Variants in MANBA observed in about 807,000 individuals in gnomAD.
The protein encoded by MANBA is mannosidase beta.
In MANBA, 83 loss-of-function variants were observed where a neutral mutation model predicts 111.1. The ratio of observed to expected loss-of-function variants is 0.75; its 90% CI spans 0.63 to 0.90. The LOEUF (loss-of-function observed/expected upper bound fraction) is 0.90. Among genes scored for constraint, MANBA ranks in the 40% least tolerant of loss-of-function variants. MANBA has a pLI of 0.00. For synonymous variants in MANBA, 370 were observed against 378.7 expected (o/e 0.98, Z 0.27); for missense variants, 1,036 against 1,069.0 (o/e 0.97, Z 0.43).
At chr4:102,672,241 A>T in intron 8 of MANBA, 1 of 395,470 alleles carries the variant, frequency 2.5e-6, no homozygotes, top group Non-Finnish European at 4.5e-6. Flanking sequence ...CATTCTAAAC[A>T]TCAAATAATA....
At chr4:102,662,795 C>A in intron 11 of MANBA, 1 of 156,844 alleles carries the variant, frequency 6.4e-6, no homozygotes, top group South Asian at 1.8e-4. Context: ...CCAGAGGAGT[C>A]TACTGTGCTA....
chr4:102,722,051 GAGAA>G (rs1722602562), intron 4 of MANBA, among the ~76,000 whole-genome samples: 1 of 143,178 alleles, frequency 7.0e-6, no homozygotes, highest in African/African-American at 2.6e-5. Flanking sequence ...AAAAAAAAAA[GAGAA>G]AGAAAAGAAA....
intron 11 of MANBA, chr4:102,658,801 T>C (rs1218288803): frequency 1.3e-5 from 2 of 152,238 alleles, no homozygotes; most frequent in East Asian, 1.9e-4. Flanking sequence ...CCTTTCATAG[T>C]GTCAGTGAGG....
At chr4:102,694,215 G>A (rs1488572780) in intron 5 of MANBA, among the ~76,000 whole-genome samples, 5 of 152,084 alleles carry the variant, frequency 3.3e-5, no homozygotes, top group African/African-American at 1.2e-4. Context: ...AAAAAACTAA[G>A]GTTGTAGAAT....
chr4:102,688,126 C>G (rs1432240247), intron 7 of MANBA, among the ~76,000 whole-genome samples: 1 of 152,074 alleles, frequency 6.6e-6, no homozygotes, highest in African/African-American at 2.4e-5. Context: ...GTTGGAATGA[C>G]TCATTATTTT....
At chr4:102,677,577 A>C (rs377603317) in intron 7 of MANBA, among the ~76,000 whole-genome samples, 2 of 152,226 alleles carry the variant, frequency 1.3e-5, no homozygotes, top group South Asian at 2.1e-4. Flanking sequence ...AAAAAGTTTA[A>C]GAAACTATCA....
intron 5 of MANBA, among the ~76,000 whole-genome samples, chr4:102,694,073 A>G (rs559860504): frequency 6.6e-6 from 1 of 152,298 alleles, no homozygotes; most frequent in Admixed American, 6.5e-5. Context: ...TGACAGGAAA[A>G]CAAATAATGC....
At chr4:102,729,138 C>T in intron 1 of MANBA, 1 of 728,212 alleles carries the variant, frequency 1.4e-6, no homozygotes, top group Non-Finnish European at 2.5e-6. Context: ...GCATCCTTAA[C>T]AGCCAGCCCC....
chr4:102,649,675 C>T (rs963044668), intron 13 of MANBA, among the ~76,000 whole-genome samples: 3 of 151,940 alleles, frequency 2.0e-5, no homozygotes, highest in Admixed American at 6.6e-5. Context: ...CTATTGGTCC[C>T]CAATTTGTGG....
chr4:102,722,827 C>T (rs749451696), intron 4 of MANBA, 44 bp downstream of exon 4: 3 of 1,582,702 alleles, frequency 1.9e-6, no homozygotes, highest in East Asian at 2.2e-5. Flanking sequence ...GCCAGCACAC[C>T]CCGTCCTCAA....
Position 102,689,621 on chromosome 4 carries a change from C to G in MANBA, c.913G>C (p.Val305Leu), listed in dbSNP as rs939795867. 7 of 1,610,786 alleles carry G rather than the reference C, an allele frequency of 4.3e-6. No individual in the cohort carries two copies. Among genetic ancestry groups the G allele is most frequent in the Non-Finnish European group, 5.9e-6 (7 of 1,177,632 alleles). The change falls in exon 7 of 17, where the codon GTT (valine) becomes CTT (leucine). Residue 305 changes from valine (V) to leucine (L), a missense_variant. Coordinates refer to ENST00000647097, the MANE Select transcript of MANBA (RefSeq NM_005908.4). ...AAGCCTCCATCCAGTTCAAAAAGAACAGTCATGTTGTACCCAGTCTGGTTT... is the reference window on the plus strand; with the variant it reads ...AAGCCTCCATCCAGTTCAAAAAGAAGAGTCATGTTGTACCCAGTCTGGTTT... ...HGNQTGYNMT[V>L]LFELDGGLNI...
intron 14 of MANBA, among the ~76,000 whole-genome samples, chr4:102,639,222 C>G (rs757452904): frequency 6.6e-6 from 1 of 152,138 alleles, no homozygotes; most frequent in Non-Finnish European, 1.5e-5. Context: ...ATAAAGATGG[C>G]CTTAAGAGAC....
chr4:102,657,936 T>C (rs1730647152), intron 11 of MANBA, 36 bp from the exon 12 acceptor site: 2 of 1,373,182 alleles, frequency 1.5e-6, no homozygotes, highest in Non-Finnish European at 2.1e-6. Context: ...AAGGATAATA[T>C]ATTCATCCTG....
At chr4:102,658,329 C>T in intron 11 of MANBA, among the ~76,000 whole-genome samples, 1 of 152,154 alleles carries the variant, frequency 6.6e-6, no homozygotes. Context: ...AAACAGATGT[C>T]AGTACCCCTC....
intron 1 of MANBA, among the ~76,000 whole-genome samples, chr4:102,759,919 A>G (rs186856860): frequency 1.3e-5 from 2 of 152,338 alleles, no homozygotes; most frequent in East Asian, 3.9e-4. Context: ...AAGTAGATCA[A>G]TTACAAGTAC....
At chr4:102,717,286 A>G (rs1722376915) in intron 4 of MANBA, among the ~76,000 whole-genome samples, 1 of 151,920 alleles carries the variant, frequency 6.6e-6, no homozygotes, top group African/African-American at 2.4e-5. Flanking sequence ...TACAAGTATA[A>G]TGAGTTTTAC....
intron 5 of MANBA, among the ~76,000 whole-genome samples, chr4:102,705,136 C>T (rs1282618876): frequency 6.6e-6 from 1 of 152,146 alleles, no homozygotes; most frequent in Non-Finnish European, 1.5e-5. Context: ...TAGCAGGGAC[C>T]AGCTGAAAGC....
intron 1 of MANBA, among the ~76,000 whole-genome samples, chr4:102,739,921 T>C (rs1367940076): frequency 6.6e-6 from 1 of 152,126 alleles, no homozygotes; most frequent in Non-Finnish European, 1.5e-5. Context: ...CTCTTTGACA[T>C]AGGACTGGAA....
intron 5 of MANBA, among the ~76,000 whole-genome samples, chr4:102,694,954 G>C (rs1274734386): frequency 6.6e-6 from 1 of 152,158 alleles, no homozygotes; most frequent in East Asian, 1.9e-4. Context: ...GAGGATGGTA[G>C]AGAATGTGGT....
Sources: gnomAD v4.1 joint callset for allele counts (sites outside exome capture counted in the v4.1 genomes callset) on GRCh38, gnomAD v4.1.1 for gene constraint, MANE v1.5 for transcripts, NCBI Gene and HGNC (gene_info 2026-07-23, HGNC 2026-07-21) for gene names.